The following PDE3B variants were observed in gnomAD, a reference collection of about 807,000 sequenced individuals.
The protein encoded by PDE3B is phosphodiesterase 3B, also known as cGMP-inhibited 3',5'-cyclic phosphodiesterase 3B.
PDE3B carries 66 observed loss-of-function variants against 116.8 expected under a neutral mutation model. The ratio of observed to expected loss-of-function variants is 0.56; its 90% CI spans 0.46 to 0.69. PDE3B has a LOEUF of 0.69. PDE3B is among the 30% of genes least tolerant of loss of function. The pLI, the probability that PDE3B is intolerant of heterozygous loss-of-function variation, is 0.00. For synonymous variants in PDE3B, 595 were observed against 533.6 expected (o/e 1.12, Z -1.59); for missense variants, 1,384 against 1,368.1 (o/e 1.01, Z -0.18).
At chr11:14,770,123 A>G (rs886292720) in intron 1 of PDE3B, among the ~76,000 whole-genome samples, 6 of 151,442 alleles carry the variant, frequency 4.0e-5, no homozygotes, top group African/African-American at 1.5e-4. Context: ...TGTGGATCAG[A>G]TGATAGTACA....
chr11:14,778,385 C>A (rs1203383484), intron 2 of PDE3B, among the ~76,000 whole-genome samples: 1 of 152,200 alleles, frequency 6.6e-6, no homozygotes, highest in African/African-American at 2.4e-5. Context: ...GGTCCCTGAC[C>A]CCCGAGTAGC....
intron 1 of PDE3B, among the ~76,000 whole-genome samples, chr11:14,649,898 T>C (rs1853521979): frequency 2.0e-5 from 3 of 152,300 alleles, no homozygotes; most frequent in African/African-American, 7.2e-5. Context: ...CTAAACAACA[T>C]TTTGGAAGAA....
At chr11:14,889,723 A>G in the PDE3B span, among the ~76,000 whole-genome samples, 2 of 152,222 alleles carry the variant, frequency 1.3e-5, no homozygotes, top group East Asian at 3.8e-4. Context: ...TTCAGTTCAA[A>G]TATTTATATA....
At chr11:14,685,287 C>T (rs935043703) in intron 1 of PDE3B, among the ~76,000 whole-genome samples, 10 of 152,122 alleles carry the variant, frequency 6.6e-5, no homozygotes, top group East Asian at 1.9e-4. Context: ...CCTGACTTCC[C>T]GCAACATGAA....
chr11:14,784,267 A>G (rs1368243285), intron 2 of PDE3B, among the ~76,000 whole-genome samples: 1 of 152,230 alleles, frequency 6.6e-6, no homozygotes. Context: ...AGAACAATGA[A>G]ACAGGAAGAA....
chr11:14,741,055 T>A (rs1179369364), intron 1 of PDE3B, among the ~76,000 whole-genome samples: 8 of 152,180 alleles, frequency 5.3e-5, no homozygotes, highest in Admixed American at 5.2e-4. Flanking sequence ...TGCGATGTGG[T>A]GCTGAGAAGA....
chr11:14,851,522 G>A (rs1847754259), intron 12 of PDE3B, among the ~76,000 whole-genome samples: 1 of 151,782 alleles, frequency 6.6e-6, no homozygotes, highest in South Asian at 2.1e-4. Flanking sequence ...GTGTGTGTGT[G>A]TGTGTGTGTG....
chr11:14,651,292 A>G (rs1239188823), intron 1 of PDE3B, among the ~76,000 whole-genome samples: 7 of 152,018 alleles, frequency 4.6e-5, no homozygotes, highest in Non-Finnish European at 8.8e-5. Flanking sequence ...TTTGTTTCCA[A>G]ATTTTCTAAT....
chr11:14,744,057 T>C (rs967985793), intron 1 of PDE3B, among the ~76,000 whole-genome samples: 11 of 152,212 alleles, frequency 7.2e-5, no homozygotes, highest in African/African-American at 2.7e-4. Context: ...TGTTGAGTGT[T>C]CTTAGCACCT....
At chr11:14,848,548 T>A (rs1847665034) in intron 12 of PDE3B, among the ~76,000 whole-genome samples, 1 of 152,108 alleles carries the variant, frequency 6.6e-6, no homozygotes, top group Admixed American at 6.5e-5. Flanking sequence ...GAAGTCAAAT[T>A]GTCCCTGTTT....
intron 1 of PDE3B, among the ~76,000 whole-genome samples, chr11:14,737,469 A>G (rs1283320850): frequency 6.6e-6 from 1 of 151,848 alleles, no homozygotes; most frequent in African/African-American, 2.4e-5. Context: ...AAGTGCTGGG[A>G]TTACAGGCGT....
chr11:14,891,849 C>G, the PDE3B span: 1 of 1,413,896 alleles, frequency 7.1e-7, no homozygotes, highest in Non-Finnish European at 9.4e-7. Flanking sequence ...GGGTGTCCCT[C>G]AAAGGGCAGC....
chr11:14,718,743 A>T (rs1439097681), intron 1 of PDE3B, among the ~76,000 whole-genome samples: 1 of 149,592 alleles, frequency 6.7e-6, no homozygotes, highest in Non-Finnish European at 1.5e-5. Context: ...CACACAACAT[A>T]CCAGAATCTC....
intron 1 of PDE3B, among the ~76,000 whole-genome samples, chr11:14,722,282 C>A (rs1856137966): frequency 6.6e-6 from 1 of 150,860 alleles, no homozygotes; most frequent in Non-Finnish European, 1.5e-5. Context: ...GCACGTTGTG[C>A]ACATGTACCT....
At chr11:14,834,562 C>A (rs1011649) in intron 10 of PDE3B, among the ~76,000 whole-genome samples, 19,958 of 152,134 alleles carry the variant, frequency 0.13, 1,480 homozygotes, top group African/African-American at 0.2. Flanking sequence ...TGTGGCAAGC[C>A]TGAGACATAG....
At chr11:14,740,207 T>C (rs2133864273) in intron 1 of PDE3B, among the ~76,000 whole-genome samples, 1 of 152,300 alleles carries the variant, frequency 6.6e-6, no homozygotes, top group African/African-American at 2.4e-5. Flanking sequence ...TCTGGTAGAA[T>C]TGGGCTGTGA....
In PDE3B at chr11:14,803,959, A is replaced by G; in HGVS notation, c.1431A>G (p.Leu477=). The G allele has an allele frequency of 6.2e-6, 10 of 1,600,642 alleles. No individual in the cohort carries two copies. The highest frequency in any genetic ancestry group is 8.6e-6 in the Non-Finnish European group (10 of 1,167,834). Residue 477 remains leucine (L), a synonymous_variant, in exon 5 of 16, where the codon CTA becomes CTG. Transcript: ENST00000282096. ...TCCCTTTTAGTCAAGGATGCTATCTAAATGGGCCTTTTAATTCAAATCTAC... is the reference window on the plus strand; with the variant it reads ...TCCCTTTTAGTCAAGGATGCTATCTGAATGGGCCTTTTAATTCAAATCTAC... ...EFGISSQGCY[L]NGPFNSNLLT...
At chr11:14,880,193 T>C in the PDE3B span, 1 of 1,613,002 alleles carries the variant, frequency 6.2e-7, no homozygotes, top group Non-Finnish European at 8.5e-7. Context: ...ACATTGGTTG[T>C]AGTTTCAGTT....
At position 14,859,232 on chromosome 11, in the gene PDE3B, G is replaced by A; in HGVS notation, c.2710G>A (p.Glu904Lys). The change falls in exon 13 of 16, where the codon GAA (glutamate) becomes AAA (lysine). Residue 904 changes from glutamate to lysine, a missense_variant. Physicochemically the swap from Glu to Lys is moderately conservative, Grantham distance 56. Coordinates refer to ENST00000282096, the MANE Select transcript of PDE3B (RefSeq NM_000922.4). ...TAAAAAGCATTTTGATTTTCTCGCA[G>A]AATTCAATGCCAAGGTTTGTTATGA... ...DLKKHFDFLA[E>K]FNAKANDVNS... 6.2e-7 allele frequency: 1 copy of A among 1,610,198 alleles called. No homozygotes were observed. Among genetic ancestry groups the A allele is most frequent in the Non-Finnish European group, 8.5e-7 (1 of 1,178,126 alleles).
Sources: allele counts gnomAD v4.1 joint callset (sites outside exome capture counted in the v4.1 genomes callset), GRCh38; gene constraint gnomAD v4.1.1; transcripts MANE v1.5; gene names NCBI Gene and HGNC (gene_info 2026-07-23, HGNC 2026-07-21).